The following THSD7A variants were observed in gnomAD, a reference collection of about 807,000 sequenced individuals.
THSD7A encodes the protein thrombospondin type-1 domain-containing protein 7A.
THSD7A carries 96 observed loss-of-function variants against 231.3 expected under a neutral mutation model. The ratio of observed to expected loss-of-function variants is 0.41; its 90% CI spans 0.35 to 0.49. The LOEUF is 0.49. Among genes scored for constraint, THSD7A ranks in the 20% least tolerant of loss-of-function variants. The pLI is 0.05. For missense variants in THSD7A, 2,290 were observed against 2,070.2 expected, an observed-to-expected ratio of 1.11 and a Z score of -2.06; for synonymous variants, 940 against 743.3, an observed-to-expected ratio of 1.26 and a Z score of -4.30.
chr7:11,447,298 C>T lies in THSD7A; in HGVS notation c.2732G>A (p.Ser911Asn). The T allele has an allele frequency of 6.2e-7, 1 of 1,613,114 alleles. No homozygotes were observed. Among genetic ancestry groups the T allele is most frequent in the Non-Finnish European group, 8.5e-7 (1 of 1,179,462 alleles). The change falls in exon 12 of 28, where the codon AGC becomes AAC. Residue 911 changes from serine to asparagine, a missense_variant. By Grantham distance (46) the Ser-to-Asn change is conservative. Transcript: ENST00000423059. ...IPCQDDCQLT[S>N]WSKFSSCNGD... ...ATTGCATGAAGAAAACTTGGACCAG[C>T]TGGTCAATTGACAGTCATCCTGGCA...
intron 1 of THSD7A, among the ~76,000 whole-genome samples, chr7:11,739,177 T>C (rs956894138): frequency 6.6e-6 from 1 of 151,912 alleles, no homozygotes; most frequent in Non-Finnish European, 1.5e-5. Flanking sequence ...AAAAGTGAAA[T>C]CCTAGGGATA....
At chr7:11,395,488 A>G (rs1044589834) in intron 23 of THSD7A, among the ~76,000 whole-genome samples, 1 of 151,966 alleles carries the variant, frequency 6.6e-6, no homozygotes, top group Non-Finnish European at 1.5e-5. Context: ...GACTTCTACA[A>G]AACTCTCCAC....
At chr7:11,454,567 T>C (rs780024532) in intron 11 of THSD7A, among the ~76,000 whole-genome samples, 5 of 147,080 alleles carry the variant, frequency 3.4e-5, no homozygotes, top group Admixed American at 2.1e-4. Context: ...GGTTATCTCT[T>C]TTTTTTTTTT....
chr7:11,421,696 T>C (rs546098774), intron 16 of THSD7A, among the ~76,000 whole-genome samples: 2 of 152,304 alleles, frequency 1.3e-5, no homozygotes, highest in African/African-American at 4.8e-5. Flanking sequence ...TCTTTTCATT[T>C]TACAAAATGG....
At chr7:11,426,695 G>C in intron 14 of THSD7A, 24 bp from the exon 15 acceptor site, 1 of 1,557,282 alleles carries the variant, frequency 6.4e-7, no homozygotes, top group Non-Finnish European at 8.6e-7. Flanking sequence ...CAACAGGAAT[G>C]ATGAAAAGGG....
chr7:11,826,668 C>T (rs954672438), intron 1 of THSD7A, among the ~76,000 whole-genome samples: 19 of 151,916 alleles, frequency 1.3e-4, no homozygotes, highest in Non-Finnish European at 2.1e-4. Context: ...AAAAATTAGC[C>T]GGGTATGGTG....
At chr7:11,429,309 ACT>A (rs377681367) in intron 13 of THSD7A, among the ~76,000 whole-genome samples, 184 bp from the exon 14 acceptor site, 56 of 152,262 alleles carry the variant, frequency 3.7e-4, no homozygotes, top group African/African-American at 1.2e-3. Flanking sequence ...ACATACAGTG[ACT>A]CTGTTAAAAT....
Position 11,439,426 on chromosome 7 carries a change from C to T in THSD7A, c.3064+6635G>A, listed in dbSNP as rs188896600. Among the ~76,000 whole-genome samples, 608 of 152,008 alleles carry T rather than the reference C, an allele frequency of 4.0e-3. 3 individuals carry two copies. The highest frequency in any genetic ancestry group is 0.014 in the African/African-American group (585 of 41,504). ...CCGTGTCACATTTTGGTAATTCTTG[C>T]AATATTTCAAACTTTTTCATTATTA... On this transcript the variant is annotated intron_variant, in intron 13 of 27. Coordinates refer to ENST00000423059, the MANE Select transcript of THSD7A (RefSeq NM_015204.3).
At chr7:11,449,621 T>C (rs1438475381) in intron 11 of THSD7A, among the ~76,000 whole-genome samples, 1 of 151,926 alleles carries the variant, frequency 6.6e-6, no homozygotes, top group Non-Finnish European at 1.5e-5. Flanking sequence ...AGGGAATAGA[T>C]AAAAAAGAAC....
At chr7:11,478,469 A>G (rs958336150) in intron 7 of THSD7A, among the ~76,000 whole-genome samples, 5 of 152,052 alleles carry the variant, frequency 3.3e-5, no homozygotes, top group Non-Finnish European at 5.9e-5. Flanking sequence ...CCCACTCTAG[A>G]TCACCAACAG....
rs144590876 is a variant in THSD7A, at chr7:11,470,339, A to T, written c.2253-345T>A. Among the ~76,000 whole-genome samples, 30 of 152,206 alleles carry T rather than the reference A, an allele frequency of 2.0e-4. No homozygotes were observed. The East Asian group carries it at 4.6e-3, about 23-fold the overall frequency. On this transcript the variant is annotated intron_variant, in intron 8 of 27. Coordinates refer to ENST00000423059, the MANE Select transcript of THSD7A (RefSeq NM_015204.3). ...TTTAAGAAAAATTTTGTGAAAATTT[A>T]AATTATTAATTTAAGGATCTAATTC...
intron 23 of THSD7A, among the ~76,000 whole-genome samples, 163 bp downstream of exon 23, chr7:11,401,632 C>T (rs1282961229): frequency 6.6e-6 from 1 of 152,102 alleles, no homozygotes; most frequent in Non-Finnish European, 1.5e-5. Context: ...GCTGGTCTCA[C>T]AACTCCTGGC....
At chr7:11,684,048 T>A (rs569481773) in intron 1 of THSD7A, among the ~76,000 whole-genome samples, 1 of 152,088 alleles carries the variant, frequency 6.6e-6, no homozygotes, top group East Asian at 1.9e-4. Flanking sequence ...TCAAGTGGGT[T>A]TATTCTTGGG....
At chr7:11,591,674 G>T (rs769886084) in intron 3 of THSD7A, among the ~76,000 whole-genome samples, 4 of 152,086 alleles carry the variant, frequency 2.6e-5, no homozygotes, top group Non-Finnish European at 4.4e-5. Context: ...GTTGCTTAAC[G>T]AATTGTGGGA....
intron 6 of THSD7A, among the ~76,000 whole-genome samples, chr7:11,525,772 A>G (rs988487896): frequency 6.6e-6 from 1 of 152,166 alleles, no homozygotes; most frequent in Admixed American, 6.6e-5. Flanking sequence ...TTGCTAGATT[A>G]TACTCATTTG....
At position 11,780,660 on chromosome 7, in the gene THSD7A, C is replaced by A. The variant is rs373275125; in HGVS notation, c.190+51097G>T. ...TGAAAAACTGTGAGCCAGAATCACCCAGGGAAACCATTTCCCATATTCCTG... is the reference window on the plus strand; with the variant it reads ...TGAAAAACTGTGAGCCAGAATCACCAAGGGAAACCATTTCCCATATTCCTG... On this transcript the variant is annotated intron_variant, in intron 1 of 27. Coordinates refer to ENST00000423059, the MANE Select transcript of THSD7A (RefSeq NM_015204.3). 5.3e-5 allele frequency among the ~76,000 whole-genome samples: 8 copies of A among 152,246 alleles called. No homozygotes were observed. The East Asian group carries it at 1.4e-3, about 26-fold the overall frequency.
At chr7:11,804,243 C>A (rs1000538896) in intron 1 of THSD7A, among the ~76,000 whole-genome samples, 2 of 152,004 alleles carry the variant, frequency 1.3e-5, no homozygotes, top group African/African-American at 4.8e-5. Context: ...TGTATTCCTT[C>A]CTTTTAAGTA....
intron 23 of THSD7A, among the ~76,000 whole-genome samples, chr7:11,382,978 A>G (rs1165140860): frequency 6.6e-6 from 1 of 151,340 alleles, no homozygotes; most frequent in Non-Finnish European, 1.5e-5. Flanking sequence ...TTATTTATCC[A>G]TATTTGCCTC....
At chr7:11,376,717 TTAAC>T in intron 26 of THSD7A, 60 bp from the exon 27 acceptor site, 1 of 1,296,064 alleles carries the variant, frequency 7.7e-7, no homozygotes, top group Non-Finnish European at 1.1e-6. Context: ...GAGGCAGTCT[TTAAC>T]TATGACCAAT....
Sources: allele counts gnomAD v4.1 joint callset (sites outside exome capture counted in the v4.1 genomes callset), GRCh38; gene constraint gnomAD v4.1.1; transcripts MANE v1.5; gene names NCBI Gene and HGNC (gene_info 2026-07-23, HGNC 2026-07-21).